SMARCA4: variants seen among roughly 807,000 people sequenced by gnomAD.
SMARCA4 encodes the protein SWI/SNF related BAF chromatin remodeling complex subunit ATPase 4.
A neutral mutation model predicts 193.9 loss-of-function variants in SMARCA4; 31 were observed. The ratio of observed to expected loss-of-function variants is 0.16; its 90% CI spans 0.12 to 0.22. SMARCA4 has a LOEUF of 0.22. Among genes scored for constraint, SMARCA4 ranks in the 10% least tolerant of loss-of-function variants. SMARCA4 has a pLI of 1.00. For missense variants in SMARCA4, 1,148 were observed against 2,296.0 expected (o/e 0.50, Z 10.22); for synonymous variants, 942 against 933.1 (o/e 1.01, Z -0.17).
At chr19:11,035,688 C>T (rs540525792) in intron 29 of SMARCA4, among the ~76,000 whole-genome samples, 7 of 152,340 alleles carry the variant, frequency 4.6e-5, no homozygotes, top group South Asian at 4.1e-4. Flanking sequence ...CGTGAGGGCC[C>T]GTTCTCAGCA....
At chr19:11,059,913 G>A (rs770803438) in intron 33 of SMARCA4, 28 bp downstream of exon 33, 15 of 1,613,596 alleles carry the variant, frequency 9.3e-6, no homozygotes, top group African/African-American at 5.3e-5. Flanking sequence ...TCAGGACGCC[G>A]GGGTTCACGC....
rs112056400 is a variant in SMARCA4 at position 11,012,835 on chromosome 19, G to A, written c.2275-114G>A. On this transcript the variant is annotated intron_variant, in intron 15 of 34. Transcript: ENST00000344626. ...CCGTGGTAAAGGCAGTAGAGGGTGG[G>A]ATGTGGCTTAGGCAGAACTCGTGGC... is the stretch of plus-strand genomic sequence containing the variant. 3.6e-5 allele frequency: 32 copies of A among 900,420 alleles called. No individual in the cohort carries two copies. In the African/African-American group the frequency reaches 4.6e-4, roughly 13 times the overall value. 55.8% of individuals were successfully genotyped at this position (900,420 alleles called of 1,614,324 possible).
chr19:11,004,845 CTTT>C (rs35249801), intron 13 of SMARCA4, among the ~76,000 whole-genome samples: 1 of 143,194 alleles, frequency 7.0e-6, no homozygotes. Flanking sequence ...TTTATAGTGC[CTTT>C]TTTTTTTTTG....
intron 30 of SMARCA4, among the ~76,000 whole-genome samples, chr19:11,047,324 CT>C (rs1222522841): frequency 6.6e-6 from 1 of 152,092 alleles, no homozygotes; most frequent in African/African-American, 2.4e-5. Flanking sequence ...CCTTTGTCTC[CT>C]CCCTGTGGAG....
At chr19:11,051,467 G>A (rs530405148) in intron 30 of SMARCA4, among the ~76,000 whole-genome samples, 1 of 151,952 alleles carries the variant, frequency 6.6e-6, no homozygotes, top group South Asian at 2.1e-4. Context: ...AGTCGTCCGA[G>A]GGAACACAGT....
intron 1 of SMARCA4, among the ~76,000 whole-genome samples, chr19:10,964,657 G>A (rs1366149739): frequency 6.7e-6 from 1 of 148,574 alleles, no homozygotes; most frequent in Non-Finnish European, 1.5e-5. Flanking sequence ...TCATTCTGTC[G>A]CCCAGGCTGG....
Position 10,994,481 on chromosome 19 carries a change from C to T in SMARCA4, c.1420-347C>T, listed in dbSNP as rs112216369. 2.3e-3 allele frequency among the ~76,000 whole-genome samples: 355 copies of T among 151,942 alleles called. 6 individuals are homozygous for T. Among genetic ancestry groups the T allele is most frequent in the African/African-American group, 8.0e-3 (332 of 41,408 alleles). On this transcript the variant is annotated intron_variant, in intron 8 of 34. Transcript: ENST00000344626. Reference sequence around the variant, plus strand: ...TGGGACTACAGGCGGCCCCTCACCACGCCCGGCTGATTTTTTGAATTTTTT... The same window carrying T: ...TGGGACTACAGGCGGCCCCTCACCATGCCCGGCTGATTTTTTGAATTTTTT...
At chr19:11,009,457 G>A (rs2088597452) in intron 14 of SMARCA4, among the ~76,000 whole-genome samples, 1 of 152,088 alleles carries the variant, frequency 6.6e-6, no homozygotes, top group Admixed American at 6.6e-5. Context: ...AGAAAGGGTG[G>A]GTTCTATGAT....
At chr19:11,053,310 C>T (rs1230360686) in intron 30 of SMARCA4, among the ~76,000 whole-genome samples, 3 of 152,090 alleles carry the variant, frequency 2.0e-5, no homozygotes, top group Non-Finnish European at 2.9e-5. Context: ...GTGGCAAAAC[C>T]CTGTTTCTAC....
intron 1 of SMARCA4, among the ~76,000 whole-genome samples, chr19:10,963,220 A>G (rs2145390164): frequency 6.6e-6 from 1 of 151,956 alleles, no homozygotes; most frequent in East Asian, 1.9e-4. Context: ...AAAAAATACA[A>G]AAATTAGCCG....
intron 1 of SMARCA4, among the ~76,000 whole-genome samples, chr19:10,980,174 G>A (rs2085449428): frequency 6.6e-6 from 1 of 152,112 alleles, no homozygotes; most frequent in Non-Finnish European, 1.5e-5. Flanking sequence ...ACGTGTCTGA[G>A]CTTTCAATCC....
At chr19:11,008,293 C>A (rs2088440241) in intron 14 of SMARCA4, 3 of 407,948 alleles carry the variant, frequency 7.4e-6, no homozygotes, top group Admixed American at 3.2e-5. Flanking sequence ...TCTCTGCTCC[C>A]CGGCTCCCTC....
chr19:11,001,555 G>A (rs771101129), intron 11 of SMARCA4, among the ~76,000 whole-genome samples: 2 of 152,126 alleles, frequency 1.3e-5, no homozygotes, highest in African/African-American at 4.8e-5. Context: ...TGCAGCAATC[G>A]GCATCTTTGA....
Position 11,059,471 on chromosome 19 carries a change from G to A in SMARCA4, c.4636-282G>A, listed in dbSNP as rs1358833643. 2.0e-5 allele frequency among the ~76,000 whole-genome samples: 3 copies of A among 152,236 alleles called. No individual in the cohort carries two copies. The East Asian group carries it at 5.8e-4, about 29-fold the overall frequency. ...AATGTTATTGCAGACCTCAGAGATT[G>A]TGCAGAAGGAGGGAGGCACCTGCAG... On this transcript the variant is annotated intron_variant, in intron 32 of 34. Coordinates refer to ENST00000344626, the MANE Select transcript of SMARCA4 (RefSeq NM_003072.5).
rs116464347 is a variant in SMARCA4 at position 11,037,612 on chromosome 19, C to T, written c.4170+2480C>T. Among the ~76,000 whole-genome samples, 1,001 of 152,260 alleles carry T rather than the reference C, an allele frequency of 6.6e-3. 8 individuals are homozygous for T. The highest frequency in any genetic ancestry group is 0.021 in the African/African-American group (873 of 41,538). ...ATTCTCTTTTCGCTTCCGTGATATC[C>T]GTTGAAGCACAGAAGTGTTTCATTG... On this transcript the variant is annotated intron_variant, in intron 29 of 34. Coordinates refer to ENST00000344626, the MANE Select transcript of SMARCA4 (RefSeq NM_003072.5).
At chr19:10,970,718 C>T (rs1013369001) in intron 1 of SMARCA4, among the ~76,000 whole-genome samples, 1 of 152,206 alleles carries the variant, frequency 6.6e-6, no homozygotes, top group African/African-American at 2.4e-5. Flanking sequence ...AAGTCCTTAA[C>T]TTGTGGGAGA....
At position 10,996,513 on chromosome 19, in the gene SMARCA4, G is replaced by A. The variant is rs750891894; in HGVS notation, c.1781G>A (p.Gly594Glu). Residue 594 changes from glycine (G) to glutamate (E), a missense_variant, in exon 11 of 35, where the codon GGA (glycine) becomes GAA (glutamate). Physicochemically the swap from Gly to Glu is moderately conservative, Grantham distance 98 (BLOSUM62 -2). Around this residue, in one of 17 missense-constraint regions of SMARCA4, gnomAD observed 115 missense variants for 175.1 expected, o/e 0.66. Transcript: ENST00000344626. ...KKKKKAENAE[G>E]QTPAIGPDGE... ...TTCCAGAAGGCAGAAAATGCAGAAG[G>A]ACAGACGCCTGCCATTGGGCCGGAT... 1.2e-6 allele frequency: 2 copies of A among 1,614,278 alleles called. No individual in the cohort carries two copies. Among genetic ancestry groups the A allele is most frequent in the Admixed American group, 3.3e-5 (2 of 60,034 alleles).
At chr19:10,995,869 C>A in intron 9 of SMARCA4, 1 of 398,126 alleles carries the variant, frequency 2.5e-6, no homozygotes, top group Non-Finnish European at 4.8e-6. Flanking sequence ...AGGTGGGGGG[C>A]TGCTGTAGGA....
intron 16 of SMARCA4, among the ~76,000 whole-genome samples, chr19:11,015,062 C>G (rs1386605425): frequency 6.6e-6 from 1 of 152,154 alleles, no homozygotes; most frequent in Admixed American, 6.5e-5. Flanking sequence ...ATCTGCCCGC[C>G]TTGGCCTCCC....
Sources: gnomAD v4.1 joint callset for allele counts (sites outside exome capture counted in the v4.1 genomes callset) on GRCh38, gnomAD v4.1.1 for gene constraint, gnomAD v4.1.1 regional missense constraint, MANE v1.5 for transcripts, NCBI Gene and HGNC (gene_info 2026-07-23, HGNC 2026-07-21) for gene names.